The following PCMTD2 variants were observed in gnomAD, a reference collection of about 807,000 sequenced individuals.
PCMTD2 encodes protein-L-isoaspartate (D-aspartate) O-methyltransferase domain containing 2.
A neutral mutation model predicts 33.4 loss-of-function variants in PCMTD2; 16 were observed. The observed-to-expected ratio is 0.48, with a 90% CI of 0.32 to 0.73. The LOEUF (loss-of-function observed/expected upper bound fraction) is 0.73, where lower values mean the gene tolerates loss of function less well. Ranked by LOEUF, PCMTD2 falls within the 30% of genes least tolerant of loss-of-function variation. The pLI, the probability that PCMTD2 is intolerant of heterozygous loss-of-function variation, is 0.03. For synonymous variants in PCMTD2, 161 were observed against 160.8 expected, an observed-to-expected ratio of 1.00 and a Z score of -0.01; for missense variants, 374 against 449.9, an observed-to-expected ratio of 0.83 and a Z score of 1.53.
intron 2 of PCMTD2, among the ~76,000 whole-genome samples, chr20:64,260,707 T>G (rs1369140429): frequency 3.1e-5 from 2 of 64,316 alleles, no homozygotes; most frequent in South Asian, 3.7e-4. Context: ...GTTTTGTTGG[T>G]TTTTTTTTTT....
chr20:64,267,228 A>G (rs570254476), intron 4 of PCMTD2, among the ~76,000 whole-genome samples: 1 of 152,304 alleles, frequency 6.6e-6, no homozygotes, highest in Non-Finnish European at 1.5e-5. Flanking sequence ...CTTTAATTCA[A>G]AAGAAATGTT....
chr20:64,265,859 G>T (rs971126074), intron 4 of PCMTD2, among the ~76,000 whole-genome samples: 1 of 152,102 alleles, frequency 6.6e-6, no homozygotes, highest in African/African-American at 2.4e-5. Context: ...TTGATGTTAT[G>T]CATTTGACAG....
Position 64,260,168 on chromosome 20 carries a change from T to G in PCMTD2, c.203T>G (p.Ile68Ser), listed in dbSNP as rs1244385734. 1 of 1,613,184 alleles carries G rather than the reference T, an allele frequency of 6.2e-7. No individual in the cohort carries two copies. The highest frequency in any genetic ancestry group is 8.5e-7 in the Non-Finnish European group (1 of 1,179,248). ...HGNIHLSAPC[I>S]YSEVMEALDL... ...AACATTCACCTCTCAGCCCCGTGCA[T>G]CTACTCGGAGGTGATGGAAGCCCTA... The change falls in exon 2 of 6, where the codon ATC (isoleucine) becomes AGC (serine). Residue 68 changes from isoleucine (I) to serine (S), a missense_variant. Transcript: ENST00000308824.
intron 2 of PCMTD2, among the ~76,000 whole-genome samples, chr20:64,261,930 C>G (rs763974533): frequency 6.6e-6 from 1 of 152,104 alleles, no homozygotes; most frequent in Non-Finnish European, 1.5e-5. Context: ...AGGAAAGAGC[C>G]AAAATGCTTA....
In PCMTD2 at chr20:64,259,972, G is replaced by A. The variant is rs1190937354; in HGVS notation, c.7G>A (p.Gly3Ser). The part of the protein sequence containing the change: MG[G>S]AVSAGEDNDE... ...CCTAAGTGTAATCTTGAACATGGGCGGTGCTGTGAGTGCTGGTGAAGACAA... is the reference window on the plus strand; with the variant it reads ...CCTAAGTGTAATCTTGAACATGGGCAGTGCTGTGAGTGCTGGTGAAGACAA... Residue 3 changes from glycine to serine, a missense_variant, in exon 2 of 6, where the codon GGT becomes AGT. By Grantham distance (56) the Gly-to-Ser change is moderately conservative. Transcript: ENST00000308824. 5 of 1,605,660 alleles carry A rather than the reference G, an allele frequency of 3.1e-6. No individual in the cohort carries two copies. Among genetic ancestry groups the A allele is most frequent in the African/African-American group, 1.3e-5 (1 of 74,804 alleles).
Position 64,273,302 on chromosome 20 carries a change from CTG to C in PCMTD2, c.791_792del (p.Val264GlufsTer14), listed in dbSNP as rs1398263247. ...ATTAAAAAGATTATTCATCAGGAAA[CTG>C]TGAGCAAAAACGGAAACGGACTAAA... On this transcript the variant is annotated frameshift_variant, in exon 6 of 6. Transcript: ENST00000308824. LOFTEE classifies it high-confidence loss of function. 5.0e-6 allele frequency: 8 copies of C among 1,614,130 alleles called. No individual in the cohort carries two copies. The highest frequency in any genetic ancestry group is 1.3e-5 in the African/African-American group (1 of 75,026).
At chr20:64,273,184 G>A (rs192709919) in intron 5 of PCMTD2, 37 bp from the exon 6 acceptor site, 74 of 1,575,504 alleles carry the variant, frequency 4.7e-5, no homozygotes, top group Admixed American at 9.1e-5. Context: ...GTGTCACTCC[G>A]ATGCATTTGA....
At chr20:64,259,467 C>T (rs1985309410) in intron 1 of PCMTD2, among the ~76,000 whole-genome samples, 1 of 147,398 alleles carries the variant, frequency 6.8e-6, no homozygotes, top group Non-Finnish European at 1.5e-5. Context: ...CTGATCACTG[C>T]AACCTCTGCC....
intron 3 of PCMTD2, 34 bp from the exon 4 acceptor site, chr20:64,265,224 A>AAG: frequency 1.3e-6 from 2 of 1,539,548 alleles, no homozygotes; most frequent in African/African-American, 1.4e-5. Context: ...GCAATGTGAT[A>AAG]CTTTTAGTTG....
At chr20:64,270,594 C>G (rs921723557) in intron 5 of PCMTD2, among the ~76,000 whole-genome samples, 21 of 152,032 alleles carry the variant, frequency 1.4e-4, no homozygotes, top group Non-Finnish European at 2.6e-4. Context: ...GTGGGGTGGA[C>G]GGGTTAGCTT....
chr20:64,261,629 T>C (rs1369219949), intron 2 of PCMTD2, among the ~76,000 whole-genome samples: 4 of 152,092 alleles, frequency 2.6e-5, no homozygotes, highest in Non-Finnish European at 5.9e-5. Context: ...CTGTATAAAT[T>C]GGAATTTGGT....
At chr20:64,257,775 G>T (rs1280115323) in intron 1 of PCMTD2, among the ~76,000 whole-genome samples, 1 of 152,230 alleles carries the variant, frequency 6.6e-6, no homozygotes, top group Admixed American at 6.5e-5. Flanking sequence ...TTTAAAAGCT[G>T]CACTGGTGTG....
intron 2 of PCMTD2, among the ~76,000 whole-genome samples, chr20:64,261,876 T>C (rs537090497): frequency 6.6e-6 from 1 of 152,096 alleles, no homozygotes; most frequent in Non-Finnish European, 1.5e-5. Context: ...GGTAGAACCT[T>C]GGGGAGAAAT....
In PCMTD2 at chr20:64,273,647, T is replaced by C. The variant is rs1986002724; in HGVS notation, c.*47T>C. The C allele has an allele frequency of 2.7e-6, 4 of 1,491,712 alleles. No individual in the cohort carries two copies. The highest frequency in any genetic ancestry group is 3.6e-6 in the Non-Finnish European group (4 of 1,117,850). 92.4% of individuals were successfully genotyped at this position (1,491,712 alleles called of 1,614,324 possible). On this transcript the variant is annotated 3_prime_UTR_variant, in exon 6 of 6. Transcript: ENST00000308824. ...AATAGGAAGAGCAGATTGCTGAGTG[T>C]GAAGTTCGTGCTGCCTGTGTGCTGT...
Position 64,274,783 on chromosome 20 carries a change from T to TA in PCMTD2, c.*1184dup, listed in dbSNP as rs978040012. On this transcript the variant is annotated 3_prime_UTR_variant, in exon 6 of 6. Coordinates refer to ENST00000308824, the MANE Select transcript of PCMTD2 (RefSeq NM_018257.3). The stretch of plus-strand genomic sequence containing the variant: ...CTTGTGTGTGGAGAGCTTTCTATCT[T>TA]ACCAAGTGGTAGGGCTAAAAGAACA... 2.0e-5 allele frequency: 3 copies of TA among 152,264 alleles called. No homozygotes were observed. The highest frequency in any genetic ancestry group is 2.0e-4 in the Admixed American group (3 of 15,286). 9.4% of individuals were successfully genotyped at this position (152,264 alleles called of 1,614,324 possible).
chr20:64,273,365 G>T lies in PCMTD2; in HGVS notation c.851G>T (p.Arg284Leu). The T allele has an allele frequency of 6.2e-7, 1 of 1,614,140 alleles. No individual in the cohort carries two copies. The highest frequency in any genetic ancestry group is 2.2e-5 in the East Asian group (1 of 44,886). Reference sequence around the variant, plus strand: ...AGGTTTAAACGAAGGAGAGTTCGCCGCCGTCGAATGGAAACGATTGTCTTT... The same window carrying T: ...AGGTTTAAACGAAGGAGAGTTCGCCTCCGTCGAATGGAAACGATTGTCTTT... Reference protein sequence around the residue: ...TPRFKRRRVRRRRMETIVFLD... With the variant: ...TPRFKRRRVRLRRMETIVFLD... The change falls in exon 6 of 6, where the codon CGC becomes CTC. Residue 284 changes from arginine to leucine, a missense_variant. Arg to Leu is a moderately radical substitution (Grantham distance 102). Transcript: ENST00000308824.
At chr20:64,268,153 T>TAAACTTTGTTTTATAA in intron 5 of PCMTD2, 143 bp downstream of exon 5, 1 of 563,364 alleles carries the variant, frequency 1.8e-6, no homozygotes, top group Non-Finnish European at 3.1e-6. Context: ...CTACAAGCAA[T>TAAACTTTGTTTTATAA]TTCAGGCATT....
Position 64,265,243 on chromosome 20 carries a change from A to AT in PCMTD2, c.411-9dup. 6.3e-7 allele frequency: 1 copy of AT among 1,582,912 alleles called. No homozygotes were observed. The highest frequency in any genetic ancestry group is 8.6e-7 in the Non-Finnish European group (1 of 1,164,324). On this transcript the variant is annotated splice_polypyrimidine_tract_variant and intron_variant, in intron 3 of 5. Coordinates refer to ENST00000308824, the MANE Select transcript of PCMTD2 (RefSeq NM_018257.3). Reference sequence around the variant, plus strand: ...TGTGATACTTTTAGTTGCAGGAAGCATTTTTTACTTCCAGGTTTGACTTCT... The same window carrying AT: ...TGTGATACTTTTAGTTGCAGGAAGCATTTTTTTACTTCCAGGTTTGACTTCT...
chr20:64,256,376 G>A (rs973080541), intron 1 of PCMTD2, among the ~76,000 whole-genome samples: 22 of 152,180 alleles, frequency 1.4e-4, no homozygotes, highest in African/African-American at 4.8e-4. Flanking sequence ...TTGGAGGAAG[G>A]AGAACTTGCC....
Sources: gnomAD v4.1 joint callset for allele counts (sites outside exome capture counted in the v4.1 genomes callset) on GRCh38, gnomAD v4.1.1 for gene constraint, MANE v1.5 for transcripts, NCBI Gene and HGNC (gene_info 2026-07-23, HGNC 2026-07-21) for gene names.